CTNNA2: variants seen among roughly 807,000 people sequenced by gnomAD.
The protein encoded by CTNNA2 is catenin alpha 2, also known as catenin alpha-2.
A neutral mutation model predicts 101.0 loss-of-function variants in CTNNA2; 42 were observed. That is an observed-to-expected ratio of 0.42 (90% CI 0.32 to 0.54). The LOEUF (loss-of-function observed/expected upper bound fraction) is 0.54, where lower values mean the gene tolerates loss of function less well. Ranked by LOEUF, CTNNA2 falls within the 20% of genes least tolerant of loss-of-function variation. The pLI, the probability that CTNNA2 is intolerant of heterozygous loss-of-function variation, is 0.14. For missense variants in CTNNA2, 871 were observed against 1,223.1 expected, an observed-to-expected ratio of 0.71 and a Z score of 4.29; for synonymous variants, 450 against 456.4, an observed-to-expected ratio of 0.99 and a Z score of 0.18.
At chr2:80,499,993 C>G (rs1408740123) in intron 9 of CTNNA2, among the ~76,000 whole-genome samples, 1 of 149,108 alleles carries the variant, frequency 6.7e-6, no homozygotes, top group Admixed American at 6.7e-5. Context: ...TAAAAGCACA[C>G]AAATCCTTGC....
intron 6 of CTNNA2, among the ~76,000 whole-genome samples, chr2:79,882,415 T>C (rs1026218147): frequency 6.6e-6 from 1 of 152,180 alleles, no homozygotes; most frequent in Non-Finnish European, 1.5e-5. Flanking sequence ...GCTGGAGTTA[T>C]TAGAGTTGCT....
At chr2:80,283,773 C>T (rs755378039) in intron 7 of CTNNA2, among the ~76,000 whole-genome samples, 9 of 151,932 alleles carry the variant, frequency 5.9e-5, no homozygotes, top group Non-Finnish European at 8.8e-5. Context: ...GGAAGAAGGG[C>T]AGTTCTCCAG....
intron 2 of CTNNA2, among the ~76,000 whole-genome samples, chr2:79,248,215 C>T (rs1674722906): frequency 6.6e-6 from 1 of 152,050 alleles, no homozygotes; most frequent in Non-Finnish European, 1.5e-5. Context: ...ACCTTCAAGG[C>T]AATGTCTTGA....
intron 7 of CTNNA2, among the ~76,000 whole-genome samples, chr2:79,977,519 C>T (rs975503346): frequency 2.0e-5 from 3 of 152,062 alleles, no homozygotes; most frequent in Non-Finnish European, 4.4e-5. Flanking sequence ...ATATTACCAC[C>T]TTTACTGGAA....
At chr2:79,722,657 T>C (rs1238306033) in intron 2 of CTNNA2, among the ~76,000 whole-genome samples, 1 of 152,160 alleles carries the variant, frequency 6.6e-6, no homozygotes, top group Non-Finnish European at 1.5e-5. Context: ...TGTAACTTAT[T>C]TATTACAGTT....
At position 80,415,186 on chromosome 2, in the gene CTNNA2, A is replaced by G. The variant is rs1043765542; in HGVS notation, c.1138-4263A>G. ...ACAGAACACTAGGCAGTTTTCCTTC[A>G]TGTATGCAAGGGCCTAATTTAATTG... On this transcript the variant is annotated intron_variant, in intron 8 of 18. Coordinates refer to ENST00000402739, the MANE Select transcript of CTNNA2 (RefSeq NM_001282597.3). Among the ~76,000 whole-genome samples, 7 of 152,182 alleles carry G rather than the reference A, an allele frequency of 4.6e-5. No homozygotes were observed. The East Asian group carries it at 9.6e-4, about 21-fold the overall frequency.
chr2:80,581,649 G>T (rs1695553885), intron 13 of CTNNA2, 57 bp from the exon 14 acceptor site: 2 of 1,090,080 alleles, frequency 1.8e-6, no homozygotes, highest in Non-Finnish European at 1.4e-6. Context: ...TGAAGTGTGT[G>T]GATGGGGGTG....
At chr2:79,230,105 G>C (rs192172553) in intron 2 of CTNNA2, among the ~76,000 whole-genome samples, 3 of 152,172 alleles carry the variant, frequency 2.0e-5, no homozygotes. Context: ...TTTTTCTAAG[G>C]AGAAATTTAA....
At chr2:79,799,372 G>A (rs780599256) in intron 3 of CTNNA2, among the ~76,000 whole-genome samples, 7 of 151,964 alleles carry the variant, frequency 4.6e-5, no homozygotes, top group Non-Finnish European at 8.8e-5. Context: ...TACAGAGTTG[G>A]CCTCCACAGA....
Position 80,448,491 on chromosome 2 carries a change from G to C in CTNNA2, c.1290+28890G>C, listed in dbSNP as rs774577118. On this transcript the variant is annotated intron_variant, in intron 9 of 18. Coordinates refer to ENST00000402739, the MANE Select transcript of CTNNA2 (RefSeq NM_001282597.3). The stretch of plus-strand genomic sequence containing the variant: ...GTTTCTGAATCCTGACTACACATTA[G>C]CATTACCTGAGGAACTTCAAAAACT... Among the ~76,000 whole-genome samples, 35 of 152,162 alleles carry C rather than the reference G, an allele frequency of 2.3e-4. No individual in the cohort carries two copies. The Middle Eastern group carries it at 0.01, about 44-fold the overall frequency.
At chr2:79,946,014 A>G (rs1688468379) in intron 7 of CTNNA2, among the ~76,000 whole-genome samples, 1 of 152,180 alleles carries the variant, frequency 6.6e-6, no homozygotes, top group Admixed American at 6.5e-5. Flanking sequence ...TAATTTTTGA[A>G]GGAGTTACAT....
chr2:80,148,143 G>A (rs1703467934), intron 7 of CTNNA2, among the ~76,000 whole-genome samples: 1 of 152,066 alleles, frequency 6.6e-6, no homozygotes. Context: ...ATATCTAAAT[G>A]TCTCTATTTT....
chr2:79,542,097 G>T (rs1673461316), intron 1 of CTNNA2, among the ~76,000 whole-genome samples: 1 of 151,802 alleles, frequency 6.6e-6, no homozygotes, highest in East Asian at 1.9e-4. Context: ...ACTGAAATGT[G>T]CCGAACCTTT....
At chr2:80,435,408 A>C (rs1681938816) in intron 9 of CTNNA2, among the ~76,000 whole-genome samples, 1 of 152,182 alleles carries the variant, frequency 6.6e-6, no homozygotes, top group East Asian at 1.9e-4. Context: ...CTCTTGTCAC[A>C]ATTTTTTTTT....
chr2:79,254,182 A>C (rs2104276665), intron 2 of CTNNA2, among the ~76,000 whole-genome samples: 1 of 152,348 alleles, frequency 6.6e-6, no homozygotes, highest in South Asian at 2.1e-4. Context: ...GGCAGAAAGT[A>C]AATTGTACTG....
intron 3 of CTNNA2, among the ~76,000 whole-genome samples, chr2:79,365,397 A>G (rs1677723310): frequency 6.6e-6 from 1 of 152,166 alleles, no homozygotes; most frequent in Admixed American, 6.5e-5. Flanking sequence ...CCAAGGCAGG[A>G]GGATTGCTTG....
chr2:79,894,799 A>G (rs184954363), intron 6 of CTNNA2, among the ~76,000 whole-genome samples: 41 of 152,306 alleles, frequency 2.7e-4, no homozygotes, highest in Non-Finnish European at 4.9e-4. Flanking sequence ...TGTCTCTCCA[A>G]ATGTGAGCAC....
intron 7 of CTNNA2, among the ~76,000 whole-genome samples, chr2:80,283,040 A>C (rs1002235969): frequency 7.2e-5 from 11 of 152,194 alleles, no homozygotes; most frequent in African/African-American, 2.7e-4. Flanking sequence ...TAAATTAAAG[A>C]AGGCAGAATT....
At chr2:79,881,634 G>C (rs763177431) in intron 6 of CTNNA2, among the ~76,000 whole-genome samples, 24 of 151,732 alleles carry the variant, frequency 1.6e-4, no homozygotes, top group Non-Finnish European at 2.6e-4. Flanking sequence ...TGCAACCCCT[G>C]CTTTTTTTGC....
Sources: allele counts gnomAD v4.1 joint callset (sites outside exome capture counted in the v4.1 genomes callset), GRCh38; gene constraint gnomAD v4.1.1; transcripts MANE v1.5; gene names NCBI Gene and HGNC (gene_info 2026-07-23, HGNC 2026-07-21).